The following CTNNA3 variants were observed in gnomAD, a reference collection of about 807,000 sequenced individuals.
CTNNA3 encodes the protein catenin alpha-3.
CTNNA3 carries 76 observed loss-of-function variants against 95.7 expected under a neutral mutation model. That is an observed-to-expected ratio of 0.79 (90% CI 0.66 to 0.96). The LOEUF (loss-of-function observed/expected upper bound fraction) is 0.96. CTNNA3 is among the 40% of genes least tolerant of loss of function. The probability of loss-of-function intolerance (pLI) is 0.00; values close to 1 mark genes in which losing one functional copy is unlikely to be tolerated. For synonymous variants in CTNNA3, 431 were observed against 374.4 expected (o/e 1.15, Z -1.74); for missense variants, 1,191 against 1,089.8 (o/e 1.09, Z -1.31).
chr10:67,059,581 A>G (rs2133213726), intron 7 of CTNNA3, among the ~76,000 whole-genome samples: 1 of 152,278 alleles, frequency 6.6e-6, no homozygotes, highest in Non-Finnish European at 1.5e-5. Flanking sequence ...CTGAGTCTTA[A>G]AGGATTTTTA....
At chr10:67,756,381 C>G (rs1841433174) in intron 1 of CTNNA3, among the ~76,000 whole-genome samples, 1 of 152,062 alleles carries the variant, frequency 6.6e-6, no homozygotes, top group South Asian at 2.1e-4. Flanking sequence ...GATATCCTAA[C>G]TACACCAATT....
At chr10:67,691,044 G>A (rs912094161) in intron 1 of CTNNA3, among the ~76,000 whole-genome samples, 4 of 152,198 alleles carry the variant, frequency 2.6e-5, no homozygotes, top group African/African-American at 7.2e-5. Context: ...GGCGCGCGCC[G>A]CCACGCCTGA....
chr10:67,119,884 T>A (rs2131990017), intron 7 of CTNNA3, among the ~76,000 whole-genome samples: 2 of 152,034 alleles, frequency 1.3e-5, no homozygotes, highest in African/African-American at 4.8e-5. Flanking sequence ...TGCAAGTATT[T>A]CCTGCCTTAG....
Position 66,865,253 on chromosome 10 carries a change from C to T in CTNNA3, c.1048-89729G>A, listed in dbSNP as rs948659338. ...GTGTGTGTGTGTGTAAATGCAGTTC[C>T]AAAAGGAAGTATCATTTTACTCCAG... On this transcript the variant is annotated intron_variant, in intron 7 of 17. Transcript: ENST00000433211. Among the ~76,000 whole-genome samples the T allele has an allele frequency of 2.7e-5, 4 of 148,868 alleles. No individual in the cohort carries two copies. The Admixed American group carries it at 2.7e-4, about 10-fold the overall frequency.
chr10:66,027,141 C>T (rs1201051916), intron 15 of CTNNA3, among the ~76,000 whole-genome samples: 2 of 151,958 alleles, frequency 1.3e-5, no homozygotes, highest in Non-Finnish European at 2.9e-5. Flanking sequence ...TCTGAGTTTG[C>T]TATGGCTCTA....
At chr10:66,064,349 C>A (rs1432805982) in intron 15 of CTNNA3, among the ~76,000 whole-genome samples, 1 of 152,096 alleles carries the variant, frequency 6.6e-6, no homozygotes, top group East Asian at 1.9e-4. Context: ...GGACACAAAG[C>A]CTAACCATAT....
intron 7 of CTNNA3, among the ~76,000 whole-genome samples, chr10:67,066,445 C>A (rs2131833669): frequency 6.6e-6 from 1 of 151,808 alleles, no homozygotes; most frequent in South Asian, 2.1e-4. Flanking sequence ...CCTGCCTTGG[C>A]CTCCCAAAGT....
At chr10:67,430,967 T>G (rs1294925735) in intron 5 of CTNNA3, among the ~76,000 whole-genome samples, 4 of 152,000 alleles carry the variant, frequency 2.6e-5, no homozygotes, top group Non-Finnish European at 4.4e-5. Flanking sequence ...TTTGTCATTC[T>G]TGCTAAATTC....
At chr10:67,057,358 T>A (rs191121883) in intron 7 of CTNNA3, among the ~76,000 whole-genome samples, 81 of 152,250 alleles carry the variant, frequency 5.3e-4, no homozygotes, top group Middle Eastern at 6.8e-3. Context: ...CACCATGCTG[T>A]GCATGGTCTT....
At chr10:66,238,054 G>A (rs2089942118) in intron 13 of CTNNA3, among the ~76,000 whole-genome samples, 1 of 151,820 alleles carries the variant, frequency 6.6e-6, no homozygotes, top group Non-Finnish European at 1.5e-5. Context: ...TGAAGGAAAA[G>A]ACAAGTCCAT....
At chr10:67,117,331 C>T (rs763712568) in intron 7 of CTNNA3, among the ~76,000 whole-genome samples, 1 of 151,932 alleles carries the variant, frequency 6.6e-6, no homozygotes, top group African/African-American at 2.4e-5. Context: ...TCTTCACTTG[C>T]GATAGCTTCG....
chr10:67,211,669 A>G (rs1249483032), intron 6 of CTNNA3, among the ~76,000 whole-genome samples: 1 of 152,220 alleles, frequency 6.6e-6, no homozygotes, highest in Non-Finnish European at 1.5e-5. Context: ...CCAATAGCAA[A>G]GACAGATGCA....
chr10:66,520,240 T>C (rs571381730), intron 11 of CTNNA3, among the ~76,000 whole-genome samples: 119 of 138,784 alleles, frequency 8.6e-4, no homozygotes, highest in African/African-American at 3.1e-3. Context: ...TTATTTAGTA[T>C]TATTCTTTTT....
Position 66,751,158 on chromosome 10 carries a change from C to T in CTNNA3, c.1281+15106G>A, listed in dbSNP as rs180901921. On this transcript the variant is annotated intron_variant, in intron 9 of 17. Coordinates refer to ENST00000433211, the MANE Select transcript of CTNNA3 (RefSeq NM_013266.4). Reference sequence around the variant, plus strand: ...TGGTGCATGCCTGTAATCCCACCTACTCAGAAGGCTGAGGCAGAAGAATCG... The same window carrying T: ...TGGTGCATGCCTGTAATCCCACCTATTCAGAAGGCTGAGGCAGAAGAATCG... Among the ~76,000 whole-genome samples, 348 of 152,152 alleles carry T rather than the reference C, an allele frequency of 2.3e-3. 1 individual carries two copies. Among genetic ancestry groups the T allele is most frequent in the African/African-American group, 8.1e-3 (338 of 41,538 alleles).
At position 66,179,486 on chromosome 10, in the gene CTNNA3, C is replaced by T. The variant is rs138045744; in HGVS notation, c.1885-76237G>A. On this transcript the variant is annotated intron_variant, in intron 13 of 17. Coordinates refer to ENST00000433211, the MANE Select transcript of CTNNA3 (RefSeq NM_013266.4). ...CAATATCAGCACCCTGGTTGGAATA[C>T]TGTACTATCGCTTTGCAAGGTGTTA... Among the ~76,000 whole-genome samples the T allele has an allele frequency of 1.4e-4, 22 of 152,178 alleles. No homozygotes were observed. The East Asian group carries it at 4.0e-3, about 28-fold the overall frequency.
At chr10:67,723,319 T>C (rs1341540500) in intron 1 of CTNNA3, among the ~76,000 whole-genome samples, 1 of 147,802 alleles carries the variant, frequency 6.8e-6, no homozygotes, top group African/African-American at 2.5e-5. Context: ...TGAGACAGGG[T>C]CTCATTCTGT....
intron 7 of CTNNA3, among the ~76,000 whole-genome samples, chr10:66,871,261 T>A (rs1844391774): frequency 6.6e-6 from 1 of 152,122 alleles, no homozygotes. Flanking sequence ...CACTCTGCTT[T>A]ATACAAAGAA....
chr10:66,162,893 G>T (rs1402100321), intron 13 of CTNNA3, among the ~76,000 whole-genome samples: 4 of 151,604 alleles, frequency 2.6e-5, no homozygotes, highest in Non-Finnish European at 5.9e-5. Context: ...TGCAGCTGCT[G>T]TGGGGGGTGG....
intron 8 of CTNNA3, 24 bp from the exon 9 acceptor site, chr10:66,766,440 G>GTTTTT: frequency 6.9e-7 from 1 of 1,454,692 alleles, no homozygotes; most frequent in Non-Finnish European, 9.3e-7. Flanking sequence ...AAAAATTCAG[G>GTTTTT]TTTTTTTTTT....
Sources: allele counts gnomAD v4.1 joint callset (sites outside exome capture counted in the v4.1 genomes callset), GRCh38; gene constraint gnomAD v4.1.1; transcripts MANE v1.5; gene names NCBI Gene and HGNC (gene_info 2026-07-23, HGNC 2026-07-21).